HS3ST5: variants seen among roughly 807,000 people sequenced by gnomAD.
HS3ST5 encodes heparan sulfate-glucosamine 3-sulfotransferase 5.
Under a neutral mutation model 25.4 loss-of-function variants are expected in HS3ST5, and 10 were observed. The ratio of observed to expected loss-of-function variants is 0.39; its 90% CI spans 0.24 to 0.67. HS3ST5 has a LOEUF of 0.67. Among genes scored for constraint, HS3ST5 ranks in the 30% least tolerant of loss-of-function variants. The pLI, the probability that HS3ST5 is intolerant of heterozygous loss-of-function variation, is 0.44. For synonymous variants in HS3ST5, 170 were observed against 162.4 expected, an observed-to-expected ratio of 1.05 and a Z score of -0.36; for missense variants, 324 against 420.7, an observed-to-expected ratio of 0.77 and a Z score of 2.01.
At chr6:114,111,999 C>T (rs2114850457) in intron 3 of HS3ST5, among the ~76,000 whole-genome samples, 1 of 152,242 alleles carries the variant, frequency 6.6e-6, no homozygotes, top group East Asian at 1.9e-4. Context: ...CTCATAACCT[C>T]ACTTTCTCCT....
intron 1 of HS3ST5, among the ~76,000 whole-genome samples, chr6:114,294,286 C>A (rs898138558): frequency 6.6e-6 from 1 of 152,288 alleles, no homozygotes; most frequent in East Asian, 1.9e-4. Flanking sequence ...AGATGATGAA[C>A]TTTTTGTTTC....
At chr6:114,162,258 T>G (rs1255362733) in intron 3 of HS3ST5, among the ~76,000 whole-genome samples, 1 of 152,164 alleles carries the variant, frequency 6.6e-6, no homozygotes, top group Non-Finnish European at 1.5e-5. Context: ...ATATATAATG[T>G]CTCGTGAACT....
chr6:114,255,575 C>G (rs562613224), intron 1 of HS3ST5, among the ~76,000 whole-genome samples: 29 of 152,274 alleles, frequency 1.9e-4, no homozygotes, highest in Admixed American at 1.3e-4. Flanking sequence ...CTCTGTGAGG[C>G]CCACCCCCTA....
intron 3 of HS3ST5, among the ~76,000 whole-genome samples, chr6:114,161,521 T>TCATATATATATATATATA (rs1778947740): frequency 3.0e-5 from 1 of 33,538 alleles, no homozygotes; most frequent in Non-Finnish European, 5.6e-5. Context: ...TCCTGAAGTT[T>TCATATATATATATATATA]TATATATATA....
chr6:114,076,884 T>G (rs1480920823), intron 3 of HS3ST5, among the ~76,000 whole-genome samples: 4 of 152,214 alleles, frequency 2.6e-5, no homozygotes, highest in Non-Finnish European at 5.9e-5. Context: ...AGGATGCTCA[T>G]AATTGCTCTA....
chr6:114,262,070 G>A (rs1773198256), intron 1 of HS3ST5, among the ~76,000 whole-genome samples: 1 of 152,148 alleles, frequency 6.6e-6, no homozygotes, highest in Non-Finnish European at 1.5e-5. Context: ...GTAAGACAAA[G>A]CATTGAAATT....
intron 1 of HS3ST5, among the ~76,000 whole-genome samples, chr6:114,270,071 G>A (rs746548242): frequency 6.6e-5 from 10 of 152,142 alleles, no homozygotes; most frequent in South Asian, 4.1e-4. Context: ...GATTAGCTGC[G>A]GTGGCACCAC....
At chr6:114,154,624 C>G (rs1387582245) in intron 3 of HS3ST5, among the ~76,000 whole-genome samples, 1 of 152,102 alleles carries the variant, frequency 6.6e-6, no homozygotes, top group Non-Finnish European at 1.5e-5. Flanking sequence ...ACTACTGCAC[C>G]CCATCACATC....
intron 3 of HS3ST5, among the ~76,000 whole-genome samples, chr6:114,167,114 C>G (rs1582672973): frequency 6.6e-6 from 1 of 152,172 alleles, no homozygotes; most frequent in Non-Finnish European, 1.5e-5. Context: ...GTCTCCTGAG[C>G]AGCTGGGACT....
chr6:114,203,870 A>C (rs1781142104), intron 2 of HS3ST5, among the ~76,000 whole-genome samples: 1 of 152,060 alleles, frequency 6.6e-6, no homozygotes, highest in South Asian at 2.1e-4. Context: ...CCACAACACC[A>C]CTGTCTTAGT....
At chr6:114,149,703 A>T (rs541479308) in intron 3 of HS3ST5, among the ~76,000 whole-genome samples, 1 of 152,154 alleles carries the variant, frequency 6.6e-6, no homozygotes, top group Non-Finnish European at 1.5e-5. Flanking sequence ...AAGCCTGCAC[A>T]TTCTGCACAT....
At chr6:114,270,286 A>G (rs1773583520) in intron 1 of HS3ST5, among the ~76,000 whole-genome samples, 1 of 152,182 alleles carries the variant, frequency 6.6e-6, no homozygotes, top group African/African-American at 2.4e-5. Context: ...TGCAAATGAA[A>G]ACATTCCATC....
intron 1 of HS3ST5, among the ~76,000 whole-genome samples, chr6:114,291,609 G>C (rs1774582166): frequency 6.6e-6 from 1 of 152,188 alleles, no homozygotes; most frequent in East Asian, 1.9e-4. Flanking sequence ...GTAATGTCTA[G>C]ACAGGATGAA....
intron 3 of HS3ST5, among the ~76,000 whole-genome samples, chr6:114,110,033 G>A (rs2114845447): frequency 6.6e-6 from 1 of 152,260 alleles, no homozygotes; most frequent in African/African-American, 2.4e-5. Flanking sequence ...CAGAATTACT[G>A]TAAGCTCCTC....
chr6:114,118,889 C>T (rs1328029715), intron 3 of HS3ST5, among the ~76,000 whole-genome samples: 2 of 152,144 alleles, frequency 1.3e-5, no homozygotes, highest in Admixed American at 1.3e-4. Context: ...TGTCTGGTGT[C>T]TGGGAATGCT....
At chr6:114,222,767 CA>C (rs200365479) in intron 2 of HS3ST5, among the ~76,000 whole-genome samples, 56 of 151,862 alleles carry the variant, frequency 3.7e-4, no homozygotes, top group African/African-American at 1.2e-3. Flanking sequence ...CTCATCTTAT[CA>C]AATATGATTT....
At chr6:114,084,557 C>T (rs1774678357) in intron 3 of HS3ST5, 1 of 761,640 alleles carries the variant, frequency 1.3e-6, no homozygotes, top group Non-Finnish European at 2.4e-6. Flanking sequence ...GAGTGAGCTC[C>T]CTCGTTGTTG....
chr6:114,287,047 T>C (rs971472672), intron 1 of HS3ST5, among the ~76,000 whole-genome samples: 2 of 151,972 alleles, frequency 1.3e-5, no homozygotes, highest in Admixed American at 1.3e-4. Context: ...TAAATTAGTG[T>C]ACTCGCCTTT....
At chr6:114,181,904 G>A (rs980958734) in intron 2 of HS3ST5, among the ~76,000 whole-genome samples, 2 of 151,676 alleles carry the variant, frequency 1.3e-5, no homozygotes, top group African/African-American at 2.4e-5. Flanking sequence ...GTGTGTGTGT[G>A]TACGCACGCA....
Sources: allele counts gnomAD v4.1 joint callset (sites outside exome capture counted in the v4.1 genomes callset), GRCh38; gene constraint gnomAD v4.1.1; transcripts MANE v1.5; gene names NCBI Gene and HGNC (gene_info 2026-07-23, HGNC 2026-07-21).